HMBOX1: variants seen among roughly 807,000 people sequenced by gnomAD.
HMBOX1 encodes homeobox-containing protein 1.
A neutral mutation model predicts 54.5 loss-of-function variants in HMBOX1; 14 were observed. The ratio of observed to expected loss-of-function variants is 0.26; its 90% CI spans 0.17 to 0.40. The LOEUF is 0.40. Ranked by LOEUF, HMBOX1 falls within the 10% of genes least tolerant of loss-of-function variation. HMBOX1 has a pLI of 1.00. For missense variants in HMBOX1, 332 were observed against 514.4 expected (o/e 0.65, Z 3.43); for synonymous variants, 160 against 181.0 (o/e 0.88, Z 0.93).
At chr8:28,921,854 C>T (rs546813436) in intron 1 of HMBOX1, among the ~76,000 whole-genome samples, 1 of 152,206 alleles carries the variant, frequency 6.6e-6, no homozygotes, top group South Asian at 2.1e-4. Context: ...TAGAGAAGAC[C>T]TATATGCAGA....
chr8:28,935,475 C>G lies in HMBOX1; in HGVS notation c.-57-28336C>G, dbSNP rs143362075. Among the ~76,000 whole-genome samples the G allele has an allele frequency of 2.4e-4, 37 of 151,986 alleles. 1 individual carries two copies. Among genetic ancestry groups the G allele is most frequent in the Admixed American group, 2.4e-3 (37 of 15,266 alleles). ...ATTGAGCAAATGTTGGTGGAAGAACCGGATATCCATTTGAGGGTAAGGGGG... is the reference window on the plus strand; with the variant it reads ...ATTGAGCAAATGTTGGTGGAAGAACGGGATATCCATTTGAGGGTAAGGGGG... On this transcript the variant is annotated intron_variant, in intron 1 of 9. Coordinates refer to ENST00000287701, the MANE Select transcript of HMBOX1 (RefSeq NM_001135726.3).
At chr8:29,026,606 T>G (rs2133110777) in intron 6 of HMBOX1, among the ~76,000 whole-genome samples, 1 of 152,342 alleles carries the variant, frequency 6.6e-6, no homozygotes, top group Non-Finnish European at 1.5e-5. Context: ...TATTTAATCC[T>G]CACTGCAGGC....
At chr8:28,977,898 C>G (rs1486283819) in intron 3 of HMBOX1, among the ~76,000 whole-genome samples, 2 of 150,762 alleles carry the variant, frequency 1.3e-5, no homozygotes, top group Admixed American at 6.6e-5. Context: ...GAGCCAGTAT[C>G]GCGCTACTGC....
At position 28,974,386 on chromosome 8, in the gene HMBOX1, A is replaced by G. The variant is rs541585808; in HGVS notation, c.500+3867A>G. 2.6e-5 allele frequency among the ~76,000 whole-genome samples: 4 copies of G among 152,312 alleles called. No individual in the cohort carries two copies. In the South Asian group the frequency reaches 6.2e-4, roughly 24 times the overall value. ...TATGTGTAGGGGTATGTGTGTATAC[A>G]TATCTGCTAATATAGCATATAGATA... On this transcript the variant is annotated intron_variant, in intron 3 of 9. Coordinates refer to ENST00000287701, the MANE Select transcript of HMBOX1 (RefSeq NM_001135726.3).
intron 6 of HMBOX1, among the ~76,000 whole-genome samples, chr8:29,021,214 C>A (rs1053291340): frequency 2.0e-5 from 3 of 152,044 alleles, no homozygotes; most frequent in African/African-American, 7.2e-5. Flanking sequence ...AAAAATTATT[C>A]CATTCTTCAT....
chr8:29,015,395 C>G lies in HMBOX1; in HGVS notation c.698-3365C>G, dbSNP rs147803747. ...CAGCCCCTGGACAAGAGGTTGTATT[C>G]CCTTACTGAGTCTTATTTCTACCTT... On this transcript the variant is annotated intron_variant, in intron 5 of 9. Coordinates refer to ENST00000287701, the MANE Select transcript of HMBOX1 (RefSeq NM_001135726.3). Among the ~76,000 whole-genome samples, 338 of 152,278 alleles carry G rather than the reference C, an allele frequency of 2.2e-3. 1 individual carries two copies. The highest frequency in any genetic ancestry group is 7.8e-3 in the African/African-American group (326 of 41,560).
At chr8:28,897,230 G>A (rs1049825177) in intron 1 of HMBOX1, among the ~76,000 whole-genome samples, 1 of 151,316 alleles carries the variant, frequency 6.6e-6, no homozygotes, top group Non-Finnish European at 1.5e-5. Flanking sequence ...TGATCCACCC[G>A]CCTTGGCCTC....
Position 28,963,885 on chromosome 8 carries a change from A to G in HMBOX1, c.18A>G (p.Pro6=). The stretch of plus-strand genomic sequence containing the variant: ...TGTAAAGTATGCTTAGTTCCTTTCC[A>G]GTGGTGTAAGTATCAAGTCCTTTTT... The part of the protein sequence containing the change: MLSSF[P]VVLLETMSHY... Residue 6 remains proline (P), a synonymous_variant, in exon 2 of 10, where the codon CCA becomes CCG. Transcript: ENST00000287701. The G allele has an allele frequency of 6.2e-7, 1 of 1,602,288 alleles. No homozygotes were observed. Among genetic ancestry groups the G allele is most frequent in the Non-Finnish European group, 8.5e-7 (1 of 1,172,886 alleles).
At chr8:29,031,626 A>G (rs1586607158) in intron 6 of HMBOX1, among the ~76,000 whole-genome samples, 1 of 151,868 alleles carries the variant, frequency 6.6e-6, no homozygotes, top group Middle Eastern at 3.4e-3. Flanking sequence ...CTCACCAGCT[A>G]TGTGTCCTTA....
chr8:29,010,311 AC>A, intron 5 of HMBOX1: 2 of 286,780 alleles, frequency 7.0e-6, no homozygotes, highest in Non-Finnish European at 1.0e-5. Flanking sequence ...TGTAATCCCA[AC>A]ACTTTGGGAG....
At chr8:29,039,093 T>C (rs1477124894) in intron 6 of HMBOX1, among the ~76,000 whole-genome samples, 1 of 152,196 alleles carries the variant, frequency 6.6e-6, no homozygotes, top group Non-Finnish European at 1.5e-5. Flanking sequence ...CACTCCTCTC[T>C]GCTACTGCAG....
intron 2 of HMBOX1, among the ~76,000 whole-genome samples, chr8:28,969,405 T>C (rs1247370797): frequency 3.3e-5 from 5 of 152,070 alleles, no homozygotes; most frequent in Admixed American, 2.0e-4. Context: ...TAAGAGAGAA[T>C]GCATTACCAG....
intron 1 of HMBOX1, among the ~76,000 whole-genome samples, chr8:28,921,785 C>G (rs942734851): frequency 2.0e-5 from 3 of 152,134 alleles, no homozygotes; most frequent in African/African-American, 7.2e-5. Context: ...TGTTGTAGGG[C>G]TACTAAATAA....
At chr8:28,894,951 A>C (rs979974961) in intron 1 of HMBOX1, among the ~76,000 whole-genome samples, 2 of 152,066 alleles carry the variant, frequency 1.3e-5, no homozygotes, top group Non-Finnish European at 1.5e-5. Flanking sequence ...GCAAAAAAAA[A>C]AAACAGTAAC....
In HMBOX1 at chr8:29,052,827, C is replaced by T. The variant is rs1806563958; in HGVS notation, c.*1672C>T. 2 of 152,260 alleles carry T rather than the reference C, an allele frequency of 1.3e-5. No individual in the cohort carries two copies. The highest frequency in any genetic ancestry group is 6.8e-3 in the Middle Eastern group (2 of 294). 9.4% of individuals were successfully genotyped at this position (152,260 alleles called of 1,614,324 possible). A position where few individuals can be genotyped will look rare whatever the true frequency, so the allele number is the denominator to read the frequency against. On this transcript the variant is annotated 3_prime_UTR_variant, in exon 10 of 10. Transcript: ENST00000287701. Reference sequence around the variant, plus strand: ...CCATCTCTCCTATGTATAATGAAGCCTTGTTTAAAGGGGCATGTGGGGCTG... The same window carrying T: ...CCATCTCTCCTATGTATAATGAAGCTTTGTTTAAAGGGGCATGTGGGGCTG...
chr8:29,014,404 G>GTT (rs144043545), intron 5 of HMBOX1, among the ~76,000 whole-genome samples: 2,056 of 152,138 alleles, frequency 0.014, 24 homozygotes, highest in Non-Finnish European at 0.02. Flanking sequence ...GTGTCTTTGT[G>GTT]TTTTTCTGTT....
At chr8:28,989,275 A>G (rs79120371) in intron 4 of HMBOX1, among the ~76,000 whole-genome samples, 2 of 142,846 alleles carry the variant, frequency 1.4e-5, no homozygotes, top group Non-Finnish European at 3.0e-5. Flanking sequence ...TCTGTCTCAG[A>G]AAAAAAAAAA....
At chr8:29,041,349 CTCT>C (rs1308346977) in intron 6 of HMBOX1, among the ~76,000 whole-genome samples, 1 of 152,140 alleles carries the variant, frequency 6.6e-6, no homozygotes, top group African/African-American at 2.4e-5. Flanking sequence ...TCTTTGCCTT[CTCT>C]TGTTAGCAGT....
chr8:29,004,773 T>C (rs527364524), intron 4 of HMBOX1, among the ~76,000 whole-genome samples: 87 of 152,128 alleles, frequency 5.7e-4, no homozygotes, highest in African/African-American at 2.0e-3. Context: ...CAGTGGGAAG[T>C]AGGGGGAAAG....
Sources: gnomAD v4.1 joint callset for allele counts (sites outside exome capture counted in the v4.1 genomes callset) on GRCh38, gnomAD v4.1.1 for gene constraint, MANE v1.5 for transcripts, NCBI Gene and HGNC (gene_info 2026-07-23, HGNC 2026-07-21) for gene names.